Variants in RSRC1 observed in about 807,000 individuals in gnomAD.
RSRC1 encodes the protein serine/Arginine-related protein 53.
A neutral mutation model predicts 49.1 loss-of-function variants in RSRC1; 39 were observed. The observed-to-expected ratio is 0.79, with a 90% confidence interval of 0.61 to 1.04. RSRC1 has a LOEUF of 1.04. Ranked by LOEUF, RSRC1 falls within the 50% of genes least tolerant of loss-of-function variation. The pLI is 0.00. For missense variants in RSRC1, 388 were observed against 402.4 expected (o/e 0.96, Z 0.31); for synonymous variants, 143 against 130.8 (o/e 1.09, Z -0.63).
At chr3:158,141,971 G>T (rs899031560) in intron 3 of RSRC1, among the ~76,000 whole-genome samples, 2 of 152,100 alleles carry the variant, frequency 1.3e-5, no homozygotes, top group African/African-American at 4.8e-5. Context: ...GGTGGTGCAC[G>T]CCTGTAGTCC....
At chr3:158,531,996 T>C (rs1216419136) in intron 7 of RSRC1, among the ~76,000 whole-genome samples, 3 of 151,926 alleles carry the variant, frequency 2.0e-5, no homozygotes, top group Non-Finnish European at 2.9e-5. Context: ...CAAAGTTTTT[T>C]ATTATCTGTC....
At chr3:158,216,106 C>T (rs1191745645) in intron 4 of RSRC1, among the ~76,000 whole-genome samples, 1 of 151,400 alleles carries the variant, frequency 6.6e-6, no homozygotes, top group Non-Finnish European at 1.5e-5. Flanking sequence ...TATAAGTAGA[C>T]ATATATTTTA....
At chr3:158,160,421 A>G (rs911287301) in intron 3 of RSRC1, among the ~76,000 whole-genome samples, 1 of 152,142 alleles carries the variant, frequency 6.6e-6, no homozygotes, top group Non-Finnish European at 1.5e-5. Flanking sequence ...GCTATTTGCT[A>G]CCTTTTTTGA....
chr3:158,235,731 A>G (rs572499157), intron 4 of RSRC1, among the ~76,000 whole-genome samples: 156 of 152,338 alleles, frequency 1.0e-3, no homozygotes, highest in Middle Eastern at 3.4e-3. Flanking sequence ...GTTGCATGGT[A>G]TGTATAAAAT....
chr3:158,238,067 C>A (rs1467323182), intron 4 of RSRC1, among the ~76,000 whole-genome samples: 1 of 152,124 alleles, frequency 6.6e-6, no homozygotes, highest in African/African-American at 2.4e-5. Context: ...TTCCTATACA[C>A]CAATAACAGA....
intron 4 of RSRC1, among the ~76,000 whole-genome samples, chr3:158,206,078 C>T (rs1301252775): frequency 6.6e-6 from 1 of 152,144 alleles, no homozygotes; most frequent in Non-Finnish European, 1.5e-5. Context: ...GGGTGTCTGG[C>T]TGGATTTGGC....
chr3:158,516,301 G>T (rs1740529693), intron 7 of RSRC1, among the ~76,000 whole-genome samples: 1 of 151,956 alleles, frequency 6.6e-6, no homozygotes, highest in Non-Finnish European at 1.5e-5. Flanking sequence ...CTGTTTGTTA[G>T]TTTTCCTTCT....
At chr3:158,483,265 A>G (rs1738689121) in intron 7 of RSRC1, among the ~76,000 whole-genome samples, 1 of 152,036 alleles carries the variant, frequency 6.6e-6, no homozygotes, top group Non-Finnish European at 1.5e-5. Flanking sequence ...TTAAACACTA[A>G]ACATTCTCAG....
chr3:158,487,004 T>C (rs1270251463), intron 7 of RSRC1, among the ~76,000 whole-genome samples: 1 of 152,196 alleles, frequency 6.6e-6, no homozygotes, highest in Non-Finnish European at 1.5e-5. Context: ...AACATCAGAA[T>C]CACTTGAGAG....
chr3:158,225,096 T>A (rs1457245031), intron 4 of RSRC1, among the ~76,000 whole-genome samples: 1 of 151,848 alleles, frequency 6.6e-6, no homozygotes, highest in Non-Finnish European at 1.5e-5. Context: ...CTGAGTTTCC[T>A]CTGCCTCAGT....
chr3:158,498,651 A>G (rs1739456540), intron 7 of RSRC1, among the ~76,000 whole-genome samples: 1 of 152,136 alleles, frequency 6.6e-6, no homozygotes, highest in African/African-American at 2.4e-5. Flanking sequence ...GCCTAAACCA[A>G]CGTCTAGAAG....
At chr3:158,351,777 G>A (rs1730887910) in intron 5 of RSRC1, among the ~76,000 whole-genome samples, 1 of 150,830 alleles carries the variant, frequency 6.6e-6, no homozygotes, top group South Asian at 2.1e-4. Context: ...TTATTTCCTG[G>A]TTTTCTTTGT....
chr3:158,184,568 G>T (rs1719817645), intron 3 of RSRC1, among the ~76,000 whole-genome samples: 1 of 152,068 alleles, frequency 6.6e-6, no homozygotes, highest in African/African-American at 2.4e-5. Context: ...AAACAATTTA[G>T]AACTTGTTCA....
At chr3:158,314,860 C>T (rs1443836405) in intron 5 of RSRC1, among the ~76,000 whole-genome samples, 2 of 151,944 alleles carry the variant, frequency 1.3e-5, no homozygotes, top group African/African-American at 2.4e-5. Flanking sequence ...GGTGAAACCC[C>T]GTCTCTACTA....
At chr3:158,488,700 T>C (rs1234561222) in intron 7 of RSRC1, among the ~76,000 whole-genome samples, 1 of 152,336 alleles carries the variant, frequency 6.6e-6, no homozygotes, top group East Asian at 1.9e-4. Context: ...AAGAGGCCAT[T>C]CCCGTATTAA....
intron 6 of RSRC1, among the ~76,000 whole-genome samples, chr3:158,446,085 A>G (rs1020651423): frequency 1.3e-5 from 2 of 152,148 alleles, no homozygotes; most frequent in Non-Finnish European, 2.9e-5. Flanking sequence ...TAGCAACAAA[A>G]TAGATGATAA....
chr3:158,242,390 T>C (rs1341082376), intron 4 of RSRC1, among the ~76,000 whole-genome samples: 1 of 152,164 alleles, frequency 6.6e-6, no homozygotes, highest in Non-Finnish European at 1.5e-5. Context: ...TCTTGTTCCT[T>C]TTTATGGCTC....
chr3:158,400,965 A>G (rs1389752262), intron 6 of RSRC1, among the ~76,000 whole-genome samples: 1 of 152,154 alleles, frequency 6.6e-6, no homozygotes, highest in Non-Finnish European at 1.5e-5. Context: ...AATCATTTAT[A>G]CAATATTTTA....
At chr3:158,121,509 C>CT (rs1491334956) in intron 1 of RSRC1, among the ~76,000 whole-genome samples, 7 of 152,056 alleles carry the variant, frequency 4.6e-5, no homozygotes, top group Admixed American at 4.6e-4. Context: ...ATTGTCTCCC[C>CT]TGAGTTTCAC....
Sources: allele counts gnomAD v4.1 joint callset (sites outside exome capture counted in the v4.1 genomes callset), GRCh38; gene constraint gnomAD v4.1.1; transcripts MANE v1.5; gene names NCBI Gene and HGNC (gene_info 2026-07-23, HGNC 2026-07-21).